CSMD3: variants seen among roughly 807,000 people sequenced by gnomAD.
CSMD3 encodes CUB and sushi domain-containing protein 3.
Under a neutral mutation model 435.2 loss-of-function variants are expected in CSMD3, and 177 were observed. That is an observed-to-expected ratio of 0.41 (90% confidence interval 0.36 to 0.46). The LOEUF (loss-of-function observed/expected upper bound fraction) is 0.46. Ranked by LOEUF, CSMD3 falls within the 20% of genes least tolerant of loss-of-function variation. CSMD3 has a pLI of 0.34. For missense variants in CSMD3, 4,265 were observed against 4,504.6 expected (o/e 0.95, Z 1.52); for synonymous variants, 1,656 against 1,520.5 (o/e 1.09, Z -2.07).
chr8:112,787,527 G>T (rs1469258491), intron 13 of CSMD3, among the ~76,000 whole-genome samples: 1 of 152,052 alleles, frequency 6.6e-6, no homozygotes, highest in African/African-American at 2.4e-5. Flanking sequence ...CCAACATTTG[G>T]AATCAACCTA....
intron 30 of CSMD3, among the ~76,000 whole-genome samples, chr8:112,497,676 C>A (rs1204311915): frequency 6.6e-6 from 1 of 151,772 alleles, no homozygotes; most frequent in Admixed American, 6.6e-5. Context: ...TATGTCCATT[C>A]ATTTGGGTGT....
At chr8:113,307,331 T>C (rs901245558) in intron 2 of CSMD3, among the ~76,000 whole-genome samples, 4 of 152,150 alleles carry the variant, frequency 2.6e-5, no homozygotes, top group African/African-American at 9.6e-5. Flanking sequence ...ACACCTTAAT[T>C]CTTCTTCACT....
At chr8:112,607,739 C>T (rs1345666416) in intron 22 of CSMD3, among the ~76,000 whole-genome samples, 6 of 152,078 alleles carry the variant, frequency 3.9e-5, no homozygotes, top group Admixed American at 3.9e-4. Context: ...GCAGAAAAAT[C>T]ACTTGACAAA....
intron 1 of CSMD3, among the ~76,000 whole-genome samples, chr8:113,335,477 T>A (rs2094065474): frequency 6.6e-6 from 1 of 151,476 alleles, no homozygotes; most frequent in Non-Finnish European, 1.5e-5. Flanking sequence ...TGTTTTCAGA[T>A]GTTCAGCTCT....
At chr8:112,800,693 A>G (rs1250541112) in intron 12 of CSMD3, among the ~76,000 whole-genome samples, 1 of 152,084 alleles carries the variant, frequency 6.6e-6, no homozygotes, top group African/African-American at 2.4e-5. Flanking sequence ...GCAAAACAAT[A>G]AAGTGGCCAA....
intron 3 of CSMD3, among the ~76,000 whole-genome samples, chr8:113,270,355 G>C (rs2093512334): frequency 1.3e-5 from 2 of 151,356 alleles, no homozygotes; most frequent in South Asian, 2.1e-4. Flanking sequence ...GAAGAAAGAG[G>C]AACACTTTTA....
At chr8:113,232,978 A>G (rs747969178) in intron 3 of CSMD3, among the ~76,000 whole-genome samples, 2 of 151,946 alleles carry the variant, frequency 1.3e-5, no homozygotes, top group Non-Finnish European at 2.9e-5. Context: ...TTTAAAAGTC[A>G]GACTAAAGTT....
At chr8:113,054,262 T>C (rs925106917) in intron 5 of CSMD3, among the ~76,000 whole-genome samples, 6 of 152,152 alleles carry the variant, frequency 3.9e-5, no homozygotes, top group Non-Finnish European at 8.8e-5. Flanking sequence ...GTCTACTCCA[T>C]ACCTAGACTC....
At chr8:113,063,579 G>T (rs2088710675) in intron 5 of CSMD3, among the ~76,000 whole-genome samples, 1 of 151,878 alleles carries the variant, frequency 6.6e-6, no homozygotes, top group Admixed American at 6.6e-5. Flanking sequence ...TAAGCACACT[G>T]TTCAGGGATA....
intron 11 of CSMD3, among the ~76,000 whole-genome samples, chr8:112,855,407 C>T (rs1365668623): frequency 2.0e-5 from 3 of 152,240 alleles, no homozygotes; most frequent in African/African-American, 4.8e-5. Flanking sequence ...TTAGTTAACT[C>T]AATTTATGGA....
At chr8:112,507,261 C>G (rs1342568046) in intron 28 of CSMD3, among the ~76,000 whole-genome samples, 1 of 152,132 alleles carries the variant, frequency 6.6e-6, no homozygotes, top group Non-Finnish European at 1.5e-5. Flanking sequence ...TCTCTCCTGG[C>G]ACCTTTATTT....
intron 2 of CSMD3, among the ~76,000 whole-genome samples, chr8:113,301,850 T>A (rs974738755): frequency 6.6e-6 from 1 of 152,092 alleles, no homozygotes; most frequent in Non-Finnish European, 1.5e-5. Context: ...GATTATTTGA[T>A]GGCACAATAT....
chr8:112,945,738 G>T (rs1305705629), intron 9 of CSMD3, among the ~76,000 whole-genome samples: 2 of 151,000 alleles, frequency 1.3e-5, no homozygotes, highest in Admixed American at 6.7e-5. Context: ...TTTCTCTGAT[G>T]CAAATATTTG....
intron 4 of CSMD3, among the ~76,000 whole-genome samples, chr8:113,132,383 C>A (rs1257837950): frequency 6.6e-6 from 1 of 151,952 alleles, no homozygotes; most frequent in South Asian, 2.1e-4. Context: ...GAGGGAGGGG[C>A]CTGGTGGGAG....
At chr8:112,913,233 G>C (rs1283799297) in intron 10 of CSMD3, among the ~76,000 whole-genome samples, 1 of 151,874 alleles carries the variant, frequency 6.6e-6, no homozygotes, top group Non-Finnish European at 1.5e-5. Context: ...GGGAGGAGTG[G>C]TATGGTTTCA....
chr8:112,424,091 G>C (rs921038607), intron 32 of CSMD3, among the ~76,000 whole-genome samples: 8 of 152,116 alleles, frequency 5.3e-5, no homozygotes, highest in African/African-American at 1.4e-4. Flanking sequence ...TATTCAAAGG[G>C]AAAATGGTTG....
At chr8:112,829,524 A>G (rs1417645477) in intron 12 of CSMD3, among the ~76,000 whole-genome samples, 162 bp downstream of exon 12, 1 of 152,192 alleles carries the variant, frequency 6.6e-6, no homozygotes, top group Non-Finnish European at 1.5e-5. Flanking sequence ...AATCTCATTG[A>G]AGAAGCACTA....
At chr8:113,045,815 GT>G (rs1365628235) in intron 5 of CSMD3, among the ~76,000 whole-genome samples, 2 of 149,296 alleles carry the variant, frequency 1.3e-5, no homozygotes, top group African/African-American at 2.4e-5. Context: ...TGTTGTTGTT[GT>G]TTTTAATATT....
intron 11 of CSMD3, among the ~76,000 whole-genome samples, chr8:112,846,613 T>C (rs775475909): frequency 2.6e-5 from 4 of 151,952 alleles, no homozygotes; most frequent in Non-Finnish European, 4.4e-5. Flanking sequence ...TCTTGCTATG[T>C]TGCTCAGGAT....
Sources: allele counts gnomAD v4.1 joint callset (sites outside exome capture counted in the v4.1 genomes callset), GRCh38; gene constraint gnomAD v4.1.1; transcripts MANE v1.5; gene names NCBI Gene and HGNC (gene_info 2026-07-23, HGNC 2026-07-21).